The following MEIOSIN variants were observed in gnomAD, a reference collection of about 807,000 sequenced individuals.
MEIOSIN encodes the protein meiosis initiator protein.
MEIOSIN carries 18 observed loss-of-function variants against 23.4 expected under a neutral mutation model. The ratio of observed to expected loss-of-function variants is 0.77; its 90% confidence interval spans 0.53 to 1.14. MEIOSIN has a LOEUF of 1.14. Ranked by LOEUF, MEIOSIN falls within the 50% of genes most tolerant of loss-of-function variation. The pLI, the probability that MEIOSIN is intolerant of heterozygous loss-of-function variation, is 0.00. For synonymous variants in MEIOSIN, 187 were observed against 100.6 expected, an observed-to-expected ratio of 1.86 and a Z score of -5.14; for missense variants, 428 against 242.9, an observed-to-expected ratio of 1.76 and a Z score of -5.07.
chr19:45,737,734 T>A (rs998851069), intron 2 of MEIOSIN, among the ~76,000 whole-genome samples: 1 of 151,186 alleles, frequency 6.6e-6, no homozygotes, highest in Admixed American at 6.6e-5. Context: ...GGAGTTTGAG[T>A]CCAGCCTGGC....
Position 45,745,291 on chromosome 19 carries a change from C to T in MEIOSIN, c.276C>T (p.Ala92=). The T allele has an allele frequency of 1.4e-6, 1 of 702,918 alleles. No individual in the cohort carries two copies. The allele number at this position is 702,918 out of a possible 1,614,324, so 43.5% of individuals were successfully genotyped here. A position where few individuals can be genotyped will look rare whatever the true frequency, so the allele number is the denominator to read the frequency against. The stretch of plus-strand genomic sequence containing the variant: ...AGTTGGCACTGCTGCTGCCCATAGC[C>T]CTGAAGACGGGGACCAAGAAGCTCA... ...LQELALLLPI[A]LKTGTKKLTK... The change falls in exon 4 of 15, where the codon GCC becomes GCT. Residue 92 remains alanine (A), a synonymous_variant. Transcript: ENST00000457052.
At chr19:45,759,611 C>A in intron 11 of MEIOSIN, 121 bp downstream of exon 11, 1 of 643,170 alleles carries the variant, frequency 1.6e-6, no homozygotes. Flanking sequence ...CCCATCTGTC[C>A]TTCCACTCAT....
chr19:45,737,692 G>A (rs1174194110), intron 2 of MEIOSIN, among the ~76,000 whole-genome samples: 3 of 151,902 alleles, frequency 2.0e-5, no homozygotes, highest in Non-Finnish European at 2.9e-5. Context: ...CAGCACTTTG[G>A]GAGGCCAAGG....
In MEIOSIN at chr19:45,749,695, C is replaced by CAAA. The variant is rs1220005971; in HGVS notation, c.307-970_307-968dup. On this transcript the variant is annotated intron_variant, in intron 4 of 14. Transcript: ENST00000457052. ...TCAAAAAAAAAAAAAAAAAAAAGCG[C>CAAA]AAAAAAAAAAAACAAAAAAAGACTA... Among the ~76,000 whole-genome samples the CAAA allele has an allele frequency of 2.9e-3, 208 of 72,318 alleles. 2 individuals carry two copies. Among genetic ancestry groups the CAAA allele is most frequent in the African/African-American group, 0.01 (205 of 20,262 alleles). 47.4% of individuals were successfully genotyped at this position (72,318 alleles called of 152,430 possible).
At chr19:45,749,759 C>T (rs1214443756) in intron 4 of MEIOSIN, among the ~76,000 whole-genome samples, 1 of 142,322 alleles carries the variant, frequency 7.0e-6, no homozygotes, top group Non-Finnish European at 1.5e-5. Flanking sequence ...AATCCCAGAA[C>T]TTTGGGAGAC....
At position 45,748,301 on chromosome 19, in the gene MEIOSIN, C is replaced by T. The variant is rs145690723; in HGVS notation, c.307-2374C>T. Among the ~76,000 whole-genome samples, 58 of 152,278 alleles carry T rather than the reference C, an allele frequency of 3.8e-4. No individual in the cohort carries two copies. The East Asian group carries it at 0.011, about 29-fold the overall frequency. On this transcript the variant is annotated intron_variant, in intron 4 of 14. Transcript: ENST00000457052. ...TTCACCGTGTTAGCCAGGATGACCTCGATCTCCTGACTTCGTGATCCACCC... is the reference window on the plus strand; with the variant it reads ...TTCACCGTGTTAGCCAGGATGACCTTGATCTCCTGACTTCGTGATCCACCC...
intron 14 of MEIOSIN, 137 bp downstream of exon 14, chr19:45,763,564 T>C: frequency 2.5e-6 from 1 of 397,466 alleles, no homozygotes; most frequent in East Asian, 3.6e-5. Flanking sequence ...CCCCTTCTTA[T>C]GAAACCCTTG....
intron 7 of MEIOSIN, 146 bp downstream of exon 7, chr19:45,754,870 T>G (rs1435860460): frequency 3.2e-6 from 2 of 621,462 alleles, no homozygotes; most frequent in Non-Finnish European, 5.8e-6. Flanking sequence ...CTTGTGGCCT[T>G]GCTCTGGTGG....
At chr19:45,741,841 A>G (rs887987026) in intron 3 of MEIOSIN, among the ~76,000 whole-genome samples, 1 of 152,006 alleles carries the variant, frequency 6.6e-6, no homozygotes, top group African/African-American at 2.4e-5. Context: ...AAAAAAATTT[A>G]TTTTAAAGTT....
At chr19:45,737,871 G>A (rs1214201191) in intron 2 of MEIOSIN, among the ~76,000 whole-genome samples, 1 of 150,948 alleles carries the variant, frequency 6.6e-6, no homozygotes, top group Non-Finnish European at 1.5e-5. Context: ...GCAGTGAGCC[G>A]AGATCGCGCC....
At chr19:45,747,735 A>G (rs1968620317) in intron 4 of MEIOSIN, among the ~76,000 whole-genome samples, 1 of 152,198 alleles carries the variant, frequency 6.6e-6, no homozygotes, top group African/African-American at 2.4e-5. Flanking sequence ...ACTGAAGTGC[A>G]GAGAATGGTC....
chr19:45,741,044 C>T (rs972594215), intron 3 of MEIOSIN, among the ~76,000 whole-genome samples: 3 of 152,014 alleles, frequency 2.0e-5, no homozygotes, highest in Admixed American at 6.6e-5. Context: ...TTCTTGATCC[C>T]CTTCTTCCAT....
At chr19:45,748,173 G>A (rs960747005) in intron 4 of MEIOSIN, among the ~76,000 whole-genome samples, 3 of 152,016 alleles carry the variant, frequency 2.0e-5, no homozygotes, top group African/African-American at 7.2e-5. Context: ...TGCCTCCTGG[G>A]TTCACGCCAT....
rs1222193620 is a variant in MEIOSIN, at chr19:45,761,856, A to C, written c.1423A>C (p.Lys475Gln). 1.5e-6 allele frequency: 1 copy of C among 673,398 alleles called. No homozygotes were observed. Among genetic ancestry groups the C allele is most frequent in the Non-Finnish European group, 2.7e-6 (1 of 368,390 alleles). 41.7% of individuals were successfully genotyped at this position (673,398 alleles called of 1,614,324 possible). Reference protein sequence around the residue: ...SEDSDSEPLWKQREDMQANPV... With the variant: ...SEDSDSEPLWQQREDMQANPV... The stretch of plus-strand genomic sequence containing the variant: ...GGACAGCGACTCGGAGCCCCTGTGG[A>C]AGCAGCGAGAGGTGAGAGACACGGC... Residue 475 changes from lysine to glutamine, a missense_variant, in exon 12 of 15, where the codon AAG becomes CAG. Coordinates refer to ENST00000457052, the MANE Select transcript of MEIOSIN (RefSeq NM_001310124.2).
intron 1 of MEIOSIN, among the ~76,000 whole-genome samples, chr19:45,734,100 T>C (rs553388165): frequency 3.5e-4 from 54 of 152,258 alleles, no homozygotes; most frequent in Non-Finnish European, 2.6e-4. Flanking sequence ...AGCCTCAGTA[T>C]AGATTTAGGG....
intron 3 of MEIOSIN, among the ~76,000 whole-genome samples, chr19:45,743,908 T>G (rs1215940195): frequency 2.6e-5 from 4 of 151,750 alleles, no homozygotes; most frequent in African/African-American, 9.7e-5. Flanking sequence ...CCTCCCACCC[T>G]GACCTCCCAA....
At chr19:45,763,167 G>A (rs927370213) in intron 13 of MEIOSIN, among the ~76,000 whole-genome samples, 171 bp from the exon 14 acceptor site, 1 of 152,176 alleles carries the variant, frequency 6.6e-6, no homozygotes, top group African/African-American at 2.4e-5. Context: ...CACTCTCCTG[G>A]GACACCAGGT....
At chr19:45,747,116 CG>C (rs1350646866) in intron 4 of MEIOSIN, among the ~76,000 whole-genome samples, 2 of 152,132 alleles carry the variant, frequency 1.3e-5, no homozygotes, top group Non-Finnish European at 2.9e-5. Flanking sequence ...CATAAATGAC[CG>C]GATGGCCACA....
At position 45,761,670 on chromosome 19, in the gene MEIOSIN, A is replaced by G; in HGVS notation, c.1246-9A>G. ...TCCCCTCCCATCTTTCTCCCTCATC[A>G]TGCCCCAGGACACAGCCTCCAAGGC... On this transcript the variant is annotated splice_polypyrimidine_tract_variant and intron_variant, in intron 11 of 14. Transcript: ENST00000457052. 1.4e-6 allele frequency: 1 copy of G among 700,986 alleles called. No individual in the cohort carries two copies. Among genetic ancestry groups the G allele is most frequent in the Admixed American group, 2.0e-5 (1 of 49,818 alleles). 43.4% of individuals were successfully genotyped at this position (700,986 alleles called of 1,614,324 possible). A position where few individuals can be genotyped will look rare whatever the true frequency, so the allele number is the denominator to read the frequency against.
Sources: allele counts gnomAD v4.1 joint callset (sites outside exome capture counted in the v4.1 genomes callset), GRCh38; gene constraint gnomAD v4.1.1; transcripts MANE v1.5; gene names NCBI Gene and HGNC (gene_info 2026-07-23, HGNC 2026-07-21).